GRID2: variants seen among roughly 807,000 people sequenced by gnomAD.
GRID2 encodes the protein glutamate ionotropic receptor delta type subunit 2, also known as glutamate receptor ionotropic, delta-2.
Under a neutral mutation model 114.8 loss-of-function variants are expected in GRID2, and 33 were observed. The ratio of observed to expected loss-of-function variants is 0.29; its 90% CI spans 0.22 to 0.38. GRID2 has a LOEUF of 0.38. Ranked by LOEUF, GRID2 falls within the 10% of genes least tolerant of loss-of-function variation. The pLI, the probability that GRID2 is intolerant of heterozygous loss-of-function variation, is 1.00. For missense variants in GRID2, 1,184 were observed against 1,257.7 expected, an observed-to-expected ratio of 0.94 and a Z score of 0.89; for synonymous variants, 505 against 449.9, an observed-to-expected ratio of 1.12 and a Z score of -1.55.
chr4:92,452,945 TG>T (rs1169119598), intron 1 of GRID2, among the ~76,000 whole-genome samples: 2 of 19,688 alleles, frequency 1.0e-4, no homozygotes, highest in Admixed American at 2.3e-3. Context: ...GACTGACAGG[TG>T]TGTGTGTGTG....
intron 4 of GRID2, among the ~76,000 whole-genome samples, chr4:93,187,358 C>A (rs1028408011): frequency 6.6e-6 from 1 of 150,608 alleles, no homozygotes; most frequent in African/African-American, 2.4e-5. Context: ...CTCTTAGCAA[C>A]CTCTACCTCC....
intron 1 of GRID2, among the ~76,000 whole-genome samples, chr4:92,378,077 A>C (rs1489689355): frequency 6.6e-6 from 1 of 152,054 alleles, no homozygotes; most frequent in African/African-American, 2.4e-5. Flanking sequence ...TAGAGCTGAA[A>C]GAGGCTGTAG....
chr4:92,532,942 T>G (rs1194886544), intron 1 of GRID2, among the ~76,000 whole-genome samples: 1 of 151,970 alleles, frequency 6.6e-6, no homozygotes, highest in East Asian at 1.9e-4. Flanking sequence ...TAGGTAGGTG[T>G]GGTGGCGTGC....
At chr4:93,417,483 TC>T (rs1767836889) in intron 9 of GRID2, among the ~76,000 whole-genome samples, 1 of 151,988 alleles carries the variant, frequency 6.6e-6, no homozygotes, top group African/African-American at 2.4e-5. Flanking sequence ...TAAAGTAACA[TC>T]CAGAAAACAC....
chr4:93,462,373 C>A (rs1723829133), intron 11 of GRID2, among the ~76,000 whole-genome samples: 1 of 152,076 alleles, frequency 6.6e-6, no homozygotes. Flanking sequence ...AGGAAAATTC[C>A]TTTGGTAGTT....
chr4:92,897,845 T>A (rs1344401607), intron 2 of GRID2, among the ~76,000 whole-genome samples: 2 of 152,178 alleles, frequency 1.3e-5, no homozygotes, highest in Admixed American at 6.5e-5. Flanking sequence ...ACAAAGAAAT[T>A]ATATGATTAT....
At chr4:93,266,766 G>A (rs1434217212) in intron 8 of GRID2, among the ~76,000 whole-genome samples, 1 of 152,154 alleles carries the variant, frequency 6.6e-6, no homozygotes, top group Non-Finnish European at 1.5e-5. Flanking sequence ...CTTTCCTCTT[G>A]AGTCTAGGCT....
intron 2 of GRID2, among the ~76,000 whole-genome samples, chr4:92,677,780 C>T (rs972526003): frequency 6.3e-4 from 96 of 152,220 alleles, no homozygotes; most frequent in African/African-American, 2.1e-3. Flanking sequence ...GACTTCCTTT[C>T]TAGGTGGCAA....
At chr4:92,504,585 G>A (rs1034747723) in intron 1 of GRID2, among the ~76,000 whole-genome samples, 2 of 151,844 alleles carry the variant, frequency 1.3e-5, no homozygotes, top group African/African-American at 4.8e-5. Flanking sequence ...ATATGTTTTG[G>A]TGCAGTTGTT....
chr4:92,577,101 T>C (rs1472322983), intron 1 of GRID2, among the ~76,000 whole-genome samples: 1 of 152,186 alleles, frequency 6.6e-6, no homozygotes, highest in Non-Finnish European at 1.5e-5. Flanking sequence ...AGGGAACCAT[T>C]GATTTACCTC....
chr4:93,206,603 C>CAT (rs1468272664), intron 4 of GRID2, among the ~76,000 whole-genome samples: 11 of 151,166 alleles, frequency 7.3e-5, no homozygotes, highest in African/African-American at 2.7e-4. Context: ...CACACACACA[C>CAT]ACACACACAC....
chr4:93,298,481 A>G (rs1197766538), intron 8 of GRID2, among the ~76,000 whole-genome samples: 2 of 152,196 alleles, frequency 1.3e-5, no homozygotes, highest in Non-Finnish European at 2.9e-5. Context: ...CTTCACCTAA[A>G]TCACCTTGAC....
intron 8 of GRID2, among the ~76,000 whole-genome samples, chr4:93,294,322 G>A (rs1444593612): frequency 1.3e-5 from 2 of 152,118 alleles, no homozygotes; most frequent in African/African-American, 2.4e-5. Flanking sequence ...AGGAACTTTG[G>A]CTTTTACTCT....
At chr4:92,861,452 A>G (rs963241901) in intron 2 of GRID2, among the ~76,000 whole-genome samples, 1 of 152,066 alleles carries the variant, frequency 6.6e-6, no homozygotes, top group Non-Finnish European at 1.5e-5. Flanking sequence ...TACCAAAGCA[A>G]TCATCTTTTT....
chr4:92,562,080 T>C (rs1409506002), intron 1 of GRID2, among the ~76,000 whole-genome samples: 1 of 152,180 alleles, frequency 6.6e-6, no homozygotes, highest in African/African-American at 2.4e-5. Flanking sequence ...TGGATTGTGG[T>C]TTTGAAAGAT....
At chr4:93,024,828 TA>T (rs1332624514) in intron 2 of GRID2, among the ~76,000 whole-genome samples, 1 of 151,756 alleles carries the variant, frequency 6.6e-6, no homozygotes, top group Non-Finnish European at 1.5e-5. Flanking sequence ...AAGATTACAT[TA>T]ACATGGCATT....
At chr4:92,479,645 AAAG>A (rs1722486210) in intron 1 of GRID2, among the ~76,000 whole-genome samples, 1 of 152,188 alleles carries the variant, frequency 6.6e-6, no homozygotes, top group Non-Finnish European at 1.5e-5. Context: ...AGATAGTTAT[AAAG>A]TTGCTGCTTA....
At chr4:92,325,184 C>T (rs1041805820) in intron 1 of GRID2, among the ~76,000 whole-genome samples, 6 of 151,918 alleles carry the variant, frequency 3.9e-5, no homozygotes, top group African/African-American at 1.4e-4. Flanking sequence ...ACATGTGTCT[C>T]AGCTCAAATG....
At chr4:92,359,630 C>T (rs1728518338) in intron 1 of GRID2, among the ~76,000 whole-genome samples, 1 of 151,942 alleles carries the variant, frequency 6.6e-6, no homozygotes, top group Non-Finnish European at 1.5e-5. Flanking sequence ...AGCCCCTCAA[C>T]ACTAGGGAAT....
Sources: allele counts gnomAD v4.1 joint callset (sites outside exome capture counted in the v4.1 genomes callset), GRCh38; gene constraint gnomAD v4.1.1; transcripts MANE v1.5; gene names NCBI Gene and HGNC (gene_info 2026-07-23, HGNC 2026-07-21).